Variants in PFKP observed in about 807,000 individuals in gnomAD.
The protein encoded by PFKP is phosphofructokinase, platelet.
Under a neutral mutation model 94.3 loss-of-function variants are expected in PFKP, and 101 were observed. The ratio of observed to expected loss-of-function variants is 1.07; its 90% CI spans 0.91 to 1.26. The LOEUF is 1.26. Ranked by LOEUF, PFKP falls within the 50% of genes most tolerant of loss-of-function variation. The pLI, the probability that PFKP is intolerant of heterozygous loss-of-function variation, is 0.00. For missense variants in PFKP, 1,145 were observed against 1,103.3 expected, an observed-to-expected ratio of 1.04 and a Z score of -0.53; for synonymous variants, 573 against 432.6, an observed-to-expected ratio of 1.32 and a Z score of -4.03.
At chr10:3,081,164 C>T (rs1049766520) in intron 1 of PFKP, among the ~76,000 whole-genome samples, 1 of 151,998 alleles carries the variant, frequency 6.6e-6, no homozygotes, top group Non-Finnish European at 1.5e-5. Flanking sequence ...AATATGTATC[C>T]CCAAGGTTTT....
chr10:3,088,100 C>T (rs10458791), intron 2 of PFKP, among the ~76,000 whole-genome samples: 51,510 of 142,964 alleles, frequency 0.36, 10,051 homozygotes, highest in East Asian at 0.68. Flanking sequence ...CACCCATTAA[C>T]TCGTCATTTA....
intron 6 of PFKP, 70 bp downstream of exon 6, chr10:3,105,229 T>C: frequency 6.9e-7 from 1 of 1,454,486 alleles, no homozygotes; most frequent in Non-Finnish European, 9.7e-7. Flanking sequence ...TCCCTGAGGC[T>C]GCACCCCACA....
At chr10:3,116,737 T>C in intron 13 of PFKP, 39 bp from the exon 14 acceptor site, 1 of 1,508,906 alleles carries the variant, frequency 6.6e-7, no homozygotes, top group South Asian at 1.1e-5. Context: ...TGCCTTTCAT[T>C]GTTCACTTTA....
chr10:3,113,559 C>T (rs2131606276), intron 13 of PFKP, 41 bp downstream of exon 13: 2 of 1,591,954 alleles, frequency 1.3e-6, no homozygotes, highest in South Asian at 1.1e-5. Context: ...GACACCCTGG[C>T]TGTGAGCACA....
At chr10:3,135,954 T>C in intron 21 of PFKP, 116 bp downstream of exon 21, 1 of 673,472 alleles carries the variant, frequency 1.5e-6, no homozygotes, top group Non-Finnish European at 2.6e-6. Context: ...CTGGCTTTTC[T>C]GAAGCTCAGT....
At chr10:3,127,756 C>T (rs1265538123) in intron 16 of PFKP, among the ~76,000 whole-genome samples, 1 of 152,196 alleles carries the variant, frequency 6.6e-6, no homozygotes, top group Admixed American at 6.5e-5. Flanking sequence ...CTGTTTCTCT[C>T]CCCATCTCGG....
chr10:3,102,870 C>A (rs903339252), intron 4 of PFKP, among the ~76,000 whole-genome samples: 1 of 152,258 alleles, frequency 6.6e-6, no homozygotes, highest in African/African-American at 2.4e-5. Context: ...TGGAAGCAGC[C>A]AGGCCTCACG....
At chr10:3,116,109 A>T (rs1836805059) in intron 13 of PFKP, among the ~76,000 whole-genome samples, 2 of 151,028 alleles carry the variant, frequency 1.3e-5, no homozygotes, top group East Asian at 3.9e-4. Flanking sequence ...GGGAAAAAAA[A>T]GCCTGATTTA....
chr10:3,121,912 C>T (rs1837472250), intron 16 of PFKP, among the ~76,000 whole-genome samples: 2 of 147,396 alleles, frequency 1.4e-5, no homozygotes. Flanking sequence ...GCCTCGACCT[C>T]CCAGGCTTAG....
intron 4 of PFKP, among the ~76,000 whole-genome samples, chr10:3,102,563 G>C (rs556822373): frequency 1.3e-5 from 2 of 151,912 alleles, no homozygotes; most frequent in African/African-American, 4.8e-5. Context: ...ACAGGCATGC[G>C]CCACCACACC....
chr10:3,126,871 C>T (rs1221892174), intron 16 of PFKP, among the ~76,000 whole-genome samples: 1 of 152,246 alleles, frequency 6.6e-6, no homozygotes, highest in Non-Finnish European at 1.5e-5. Flanking sequence ...CAGGGGGTGG[C>T]GTCTGCTGGG....
chr10:3,119,385 C>T (rs535762276), intron 15 of PFKP, among the ~76,000 whole-genome samples: 1 of 152,280 alleles, frequency 6.6e-6, no homozygotes, highest in South Asian at 2.1e-4. Flanking sequence ...GCGGGCAGAT[C>T]ACCTGAGGTC....
At chr10:3,091,563 C>T (rs1453355964) in intron 2 of PFKP, among the ~76,000 whole-genome samples, 1 of 151,792 alleles carries the variant, frequency 6.6e-6, no homozygotes, top group Admixed American at 6.6e-5. Flanking sequence ...ACTTGTAGTC[C>T]CAGTACTTTG....
chr10:3,091,949 C>T (rs1265562422), intron 2 of PFKP, among the ~76,000 whole-genome samples: 2 of 152,210 alleles, frequency 1.3e-5, no homozygotes, highest in Admixed American at 6.5e-5. Context: ...CTAGTTTTTT[C>T]CATGATTAAA....
At chr10:3,130,288 G>A (rs773369186) in intron 17 of PFKP, among the ~76,000 whole-genome samples, 3 of 152,172 alleles carry the variant, frequency 2.0e-5, no homozygotes, top group South Asian at 4.1e-4. Flanking sequence ...GAGAACCTCC[G>A]CTGACAGTCA....
At chr10:3,104,785 G>C in intron 5 of PFKP, 1 of 410,048 alleles carries the variant, frequency 2.4e-6, no homozygotes, top group South Asian at 2.7e-5. Flanking sequence ...GCCCAATAGA[G>C]AAGGTATCTG....
chr10:3,070,339 T>A (rs1405566546), intron 1 of PFKP: 1 of 152,268 alleles, frequency 6.6e-6, no homozygotes, highest in Non-Finnish European at 1.5e-5. Context: ...TCCTCGAGAA[T>A]ATCTCAGTGT....
intron 2 of PFKP, among the ~76,000 whole-genome samples, chr10:3,093,885 C>T (rs930815399): frequency 1.4e-4 from 21 of 152,090 alleles, no homozygotes; most frequent in Admixed American, 2.6e-4. Context: ...CCTTGTGATC[C>T]GCCCGCCTTG....
At chr10:3,135,196 C>T (rs1839099676) in intron 20 of PFKP, among the ~76,000 whole-genome samples, 1 of 152,116 alleles carries the variant, frequency 6.6e-6, no homozygotes, top group African/African-American at 2.4e-5. Context: ...CACCCCCACC[C>T]CCCTCAGCTT....
Sources: allele counts gnomAD v4.1 joint callset (sites outside exome capture counted in the v4.1 genomes callset), GRCh38; gene constraint gnomAD v4.1.1; transcripts MANE v1.5; gene names NCBI Gene and HGNC (gene_info 2026-07-23, HGNC 2026-07-21).